Variants in TRPM5 observed in about 807,000 individuals in gnomAD.
TRPM5 encodes transient receptor potential cation channel subfamily M member 5.
TRPM5 carries 121 observed loss-of-function variants against 124.9 expected under a neutral mutation model. The observed-to-expected ratio is 0.97, with a 90% CI of 0.84 to 1.13. The LOEUF (loss-of-function observed/expected upper bound fraction) is 1.13, where lower values mean the gene tolerates loss of function less well. TRPM5 is among the 50% of genes most tolerant of loss of function. The pLI is 0.00. For missense variants in TRPM5, 1,643 were observed against 1,589.1 expected, an observed-to-expected ratio of 1.03 and a Z score of -0.58; for synonymous variants, 781 against 700.5, an observed-to-expected ratio of 1.11 and a Z score of -1.81.
At chr11:2,421,980 C>T (rs867454767) in intron 2 of TRPM5, among the ~76,000 whole-genome samples, 161 bp downstream of exon 7, 2 of 117,454 alleles carry the variant, frequency 1.7e-5, no homozygotes, top group East Asian at 2.7e-4. Context: ...GTCTGGCTGC[C>T]GTGTGGGGTG....
the TRPM5 span, among the ~76,000 whole-genome samples, chr11:2,437,131 T>C: frequency 6.6e-6 from 1 of 152,220 alleles, no homozygotes; most frequent in Non-Finnish European, 1.5e-5. This position sits in a 1 kb window ranked among gnomAD's most constrained non-coding sequence, Gnocchi z 5.6. Context: ...GGATGGGGGA[T>C]CCCCAGGTCC....
upstream of TRPM5, among the ~76,000 whole-genome samples, chr11:2,427,972 G>C (rs1363170855): frequency 6.6e-6 from 1 of 152,194 alleles, no homozygotes; most frequent in East Asian, 1.9e-4. Context: ...CTGCACAGCC[G>C]TGGGCCAGCT....
intron 7 of TRPM5, among the ~76,000 whole-genome samples, chr11:2,416,451 C>A (rs1019556511): frequency 1.3e-5 from 2 of 152,186 alleles, no homozygotes; most frequent in Non-Finnish European, 2.9e-5. Context: ...TCAAGGGGGG[C>A]CTGCAGCACC....
At chr11:2,426,667 G>A (rs908313159), upstream of TRPM5, among the ~76,000 whole-genome samples, 3 of 152,164 alleles carry the variant, frequency 2.0e-5, no homozygotes, top group East Asian at 5.8e-4. Flanking sequence ...ACCAGGCCCT[G>A]GGGTCCCAGC....
the TRPM5 span, among the ~76,000 whole-genome samples, chr11:2,435,249 G>A: frequency 1.3e-5 from 2 of 152,150 alleles, no homozygotes; most frequent in Non-Finnish European, 2.9e-5. This position sits in a 1 kb window ranked among gnomAD's most constrained non-coding sequence, Gnocchi z 4.1. Flanking sequence ...GAGGCCCAGC[G>A]GCTGCAAGAT....
chr11:2,405,705 C>A, intron 22 of TRPM5, 112 bp from the exon 28 acceptor site: 1 of 1,217,118 alleles, frequency 8.2e-7, no homozygotes, highest in Non-Finnish European at 1.2e-6. Context: ...CCTGTGACTC[C>A]TCCCTCTGAG....
chr11:2,412,704 C>T (rs772662780), intron 15 of TRPM5, 50 bp downstream of exon 20: 1 of 1,516,550 alleles, frequency 6.6e-7, no homozygotes, highest in Non-Finnish European at 8.8e-7. Flanking sequence ...TTAGGTTGCC[C>T]AACCTGAAGC....
rs559628446 is a variant in TRPM5 at position 2,420,230 on chromosome 11, C to T, written c.641G>A (p.Gly214Asp). 5 of 1,600,538 alleles carry T rather than the reference C, an allele frequency of 3.1e-6. No individual in the cohort carries two copies. In the East Asian group the frequency reaches 1.1e-4, roughly 36 times the overall value. The change falls in exon 4 of 24, where the codon GGC becomes GAC. Residue 214 changes from glycine (G) to aspartate (D), a missense_variant. Transcript: ENST00000155858. ...GCTGGGGCGGGTCTCACCCCCGTAG[C>T]CCGCCCTCTGCTCCGAGATGTGCTT... is the stretch of plus-strand genomic sequence containing the variant.
At chr11:2,406,585 T>C in intron 21 of TRPM5, 76 bp downstream of exon 26, 1 of 1,518,858 alleles carries the variant, frequency 6.6e-7, no homozygotes, top group Non-Finnish European at 8.9e-7. Context: ...TCAGATCCTC[T>C]GTCACTGGCG....
At chr11:2,432,384 C>A in the TRPM5 span, among the ~76,000 whole-genome samples, 33 of 152,344 alleles carry the variant, frequency 2.2e-4, no homozygotes, top group Non-Finnish European at 3.7e-4. Flanking sequence ...CCAGCCCCTG[C>A]CCCCACGGGG....
chr11:2,433,710 G>A, the TRPM5 span, among the ~76,000 whole-genome samples: 1 of 152,266 alleles, frequency 6.6e-6, no homozygotes, highest in Non-Finnish European at 1.5e-5. Context: ...CCTGGACAGG[G>A]CCTGGGTAAT....
chr11:2,415,795 A>G, intron 8 of TRPM5, 111 bp downstream of exon 13: 1 of 815,142 alleles, frequency 1.2e-6, no homozygotes, highest in South Asian at 1.7e-5. Context: ...ACCTTGGGAC[A>G]GCTGGGCAGA....
the TRPM5 span, among the ~76,000 whole-genome samples, chr11:2,441,790 A>G: frequency 6.6e-6 from 1 of 152,032 alleles, no homozygotes; most frequent in East Asian, 1.9e-4. The surrounding 1 kb of genome is among the most constrained non-coding windows in gnomAD (Gnocchi z 7.2). Context: ...CCCGGGTCCA[A>G]GTGATTCTCC....
At position 2,405,059 on chromosome 11, in the gene TRPM5, GC is replaced by G; in HGVS notation, c.3392-17del. The stretch of plus-strand genomic sequence containing the variant: ...TGCTGAGAGCCTGCTGGGAAGGAAG[GC>G]CCCCCTGAGCGGTGGGAACCAGCAA... On this transcript the variant is annotated splice_polypyrimidine_tract_variant and intron_variant, in intron 23 of 23. Coordinates refer to ENST00000155858, the Ensembl canonical transcript of TRPM5. The G allele has an allele frequency of 6.2e-7, 1 of 1,606,044 alleles. No individual in the cohort carries two copies. The highest frequency in any genetic ancestry group is 1.7e-5 in the Admixed American group (1 of 59,792).
chr11:2,407,028 G>GT, intron 20 of TRPM5, 91 bp downstream of exon 25: 1 of 1,418,196 alleles, frequency 7.1e-7, no homozygotes, highest in Non-Finnish European at 9.2e-7. Flanking sequence ...AGGGGTCCAG[G>GT]TCTCTCCAGA....
the TRPM5 span, among the ~76,000 whole-genome samples, chr11:2,433,687 G>T: frequency 6.6e-6 from 1 of 152,284 alleles, no homozygotes; most frequent in Non-Finnish European, 1.5e-5. Context: ...GACCAGCGGG[G>T]CCGGGGCCAA....
At chr11:2,431,602 G>T in the TRPM5 span, among the ~76,000 whole-genome samples, 1 of 151,998 alleles carries the variant, frequency 6.6e-6, no homozygotes, top group Non-Finnish European at 1.5e-5. Flanking sequence ...ACCTTCCATG[G>T]CTCCCTATTA....
intron 1 of TRPM5, 33 bp downstream of exon 6, chr11:2,422,887 G>A (rs766283433): frequency 2.1e-5 from 33 of 1,572,876 alleles, no homozygotes; most frequent in Middle Eastern, 1.7e-4. Flanking sequence ...AGGTCAAGGC[G>A]GACATCACCT....
intron 10 of TRPM5, 29 bp from the exon 16 acceptor site, chr11:2,414,867 C>T: frequency 3.1e-6 from 5 of 1,591,584 alleles, no homozygotes; most frequent in Non-Finnish European, 4.3e-6. Flanking sequence ...GGAGGCCGCC[C>T]CTCCCCTGCC....
Sources: allele counts gnomAD v4.1 joint callset (sites outside exome capture counted in the v4.1 genomes callset), GRCh38; gene constraint gnomAD v4.1.1; non-coding constraint Gnocchi (gnomAD v3.1); transcripts MANE v1.5; gene names NCBI Gene and HGNC (gene_info 2026-07-23, HGNC 2026-07-21).